Variants in EFCAB6 observed in about 807,000 individuals in gnomAD.
EFCAB6 encodes EF-hand calcium-binding domain-containing protein 6.
A neutral mutation model predicts 169.8 loss-of-function variants in EFCAB6; 156 were observed. The observed-to-expected ratio is 0.92, with a 90% CI of 0.81 to 1.05. The LOEUF is 1.05. EFCAB6 is among the 50% of genes least tolerant of loss of function. The pLI is 0.00. For missense variants in EFCAB6, 1,800 were observed against 1,829.1 expected, an observed-to-expected ratio of 0.98 and a Z score of 0.29; for synonymous variants, 698 against 676.4, an observed-to-expected ratio of 1.03 and a Z score of -0.50.
At chr22:43,793,994 T>C (rs146671160) in intron 2 of EFCAB6, among the ~76,000 whole-genome samples, 105 of 152,252 alleles carry the variant, frequency 6.9e-4, no homozygotes, top group Non-Finnish European at 1.3e-3. Flanking sequence ...AAAAGTGTGG[T>C]GCCTGAACCA....
intron 2 of EFCAB6, among the ~76,000 whole-genome samples, chr22:43,802,382 T>A (rs1204092424): frequency 1.3e-5 from 2 of 151,942 alleles, no homozygotes; most frequent in Non-Finnish European, 2.9e-5. Flanking sequence ...TATGAAAAAT[T>A]AGCCAGGCAT....
At chr22:43,778,633 G>A (rs1281215311) in intron 3 of EFCAB6, among the ~76,000 whole-genome samples, 2 of 152,202 alleles carry the variant, frequency 1.3e-5, no homozygotes, top group Non-Finnish European at 2.9e-5. Flanking sequence ...CAAAGCTGGT[G>A]GCTGGGCTAT....
At chr22:43,591,473 A>AG (rs2051552367) in intron 23 of EFCAB6, among the ~76,000 whole-genome samples, 1 of 136,822 alleles carries the variant, frequency 7.3e-6, no homozygotes, top group Non-Finnish European at 1.5e-5. Context: ...AAAAAAAAAA[A>AG]AAGAAAAGAA....
chr22:43,707,940 T>C (rs1041590346), intron 10 of EFCAB6, among the ~76,000 whole-genome samples: 2 of 151,982 alleles, frequency 1.3e-5, no homozygotes, highest in East Asian at 3.9e-4. Context: ...GTGAAGGCGC[T>C]TTTTCATTCA....
chr22:43,792,335 T>C (rs1422870288), intron 2 of EFCAB6, among the ~76,000 whole-genome samples: 1 of 152,144 alleles, frequency 6.6e-6, no homozygotes, highest in Non-Finnish European at 1.5e-5. Context: ...GGCAAAAAGT[T>C]GGGTTTAATT....
chr22:43,750,205 T>C (rs2060708008), intron 6 of EFCAB6, among the ~76,000 whole-genome samples: 1 of 152,176 alleles, frequency 6.6e-6, no homozygotes, highest in South Asian at 2.1e-4. Flanking sequence ...AAAGCTTTAG[T>C]AAATTAATGA....
intron 26 of EFCAB6, among the ~76,000 whole-genome samples, chr22:43,561,048 T>C (rs2048997727): frequency 6.6e-6 from 1 of 152,134 alleles, no homozygotes; most frequent in Non-Finnish European, 1.5e-5. Flanking sequence ...AAGTATTGCG[T>C]GTTCACTATA....
At chr22:43,658,101 G>C (rs137756) in intron 17 of EFCAB6, among the ~76,000 whole-genome samples, 82,587 of 151,582 alleles carry the variant, frequency 0.54, 22,821 homozygotes, top group East Asian at 0.77. Context: ...TGGTGGCGGG[G>C]ACCTGTAATC....
chr22:43,532,841 C>T (rs983484665), intron 30 of EFCAB6, among the ~76,000 whole-genome samples: 13 of 152,214 alleles, frequency 8.5e-5, no homozygotes, highest in African/African-American at 3.1e-4. Flanking sequence ...GGGGTGGGGC[C>T]AGGGCCAGGG....
rs2059174768 is a variant in EFCAB6, at chr22:43,711,923, T to C, written c.883-300A>G. Among the ~76,000 whole-genome samples, 3 of 152,178 alleles carry C rather than the reference T, an allele frequency of 2.0e-5. No individual in the cohort carries two copies. In the South Asian group the frequency reaches 6.2e-4, roughly 31 times the overall value. On this transcript the variant is annotated intron_variant, in intron 9 of 31. Coordinates refer to ENST00000262726, the MANE Select transcript of EFCAB6 (RefSeq NM_022785.4). ...ATACTTGGTAGATCTGCCGGTTTGATACATCTTCCTTAATATACTTTCAAG... is the reference window on the plus strand; with the variant it reads ...ATACTTGGTAGATCTGCCGGTTTGACACATCTTCCTTAATATACTTTCAAG...
At chr22:43,658,097 C>A (rs971411690) in intron 17 of EFCAB6, among the ~76,000 whole-genome samples, 3 of 151,926 alleles carry the variant, frequency 2.0e-5, no homozygotes, top group Non-Finnish European at 4.4e-5. Flanking sequence ...GGTATGGTGG[C>A]GGGGACCTGT....
intron 6 of EFCAB6, among the ~76,000 whole-genome samples, chr22:43,741,813 C>A (rs2060380722): frequency 6.6e-6 from 1 of 152,194 alleles, no homozygotes; most frequent in South Asian, 2.1e-4. Flanking sequence ...ACGGGCAGAA[C>A]CCTGACTTCC....
At chr22:43,664,770 G>C (rs1019783835) in intron 17 of EFCAB6, among the ~76,000 whole-genome samples, 5 of 152,184 alleles carry the variant, frequency 3.3e-5, no homozygotes, top group African/African-American at 1.2e-4. Context: ...GATCAGGGAG[G>C]TGGTTGGACC....
intron 13 of EFCAB6, among the ~76,000 whole-genome samples, chr22:43,675,435 G>T (rs1336062107): frequency 1.7e-5 from 2 of 118,460 alleles, no homozygotes; most frequent in African/African-American, 6.3e-5. Flanking sequence ...TATAATATAG[G>T]ATTATAATAT....
At chr22:43,756,196 C>G (rs1032358726) in intron 5 of EFCAB6, among the ~76,000 whole-genome samples, 2 of 152,156 alleles carry the variant, frequency 1.3e-5, no homozygotes, top group Admixed American at 6.5e-5. Flanking sequence ...CCTGCTTTAC[C>G]GAGGAGACTG....
intron 6 of EFCAB6, among the ~76,000 whole-genome samples, chr22:43,753,672 T>TG (rs1456899623): frequency 1.3e-5 from 2 of 152,112 alleles, no homozygotes; most frequent in Non-Finnish European, 2.9e-5. Flanking sequence ...AGAGAGAGGC[T>TG]GACAAATCAG....
intron 8 of EFCAB6, among the ~76,000 whole-genome samples, chr22:43,717,781 G>A (rs2059385189): frequency 6.6e-6 from 1 of 152,022 alleles, no homozygotes; most frequent in African/African-American, 2.4e-5. Flanking sequence ...GCTACTCACC[G>A]AATTCACATG....
chr22:43,620,475 AC>A (rs2054044010), intron 20 of EFCAB6, among the ~76,000 whole-genome samples: 1 of 152,170 alleles, frequency 6.6e-6, no homozygotes, highest in Non-Finnish European at 1.5e-5. Flanking sequence ...AGGAATGTCA[AC>A]CCCAAACTCT....
chr22:43,766,608 G>A (rs745829396), intron 4 of EFCAB6, among the ~76,000 whole-genome samples: 6 of 151,924 alleles, frequency 3.9e-5, no homozygotes, highest in African/African-American at 7.3e-5. Flanking sequence ...TCTGCCTCCC[G>A]GGTTCAAGCA....
Sources: gnomAD v4.1 joint callset for allele counts (sites outside exome capture counted in the v4.1 genomes callset) on GRCh38, gnomAD v4.1.1 for gene constraint, MANE v1.5 for transcripts, NCBI Gene and HGNC (gene_info 2026-07-23, HGNC 2026-07-21) for gene names.